LAMA4: variants seen among roughly 807,000 people sequenced by gnomAD.
LAMA4 encodes the protein laminin subunit alpha-4.
A neutral mutation model predicts 207.1 loss-of-function variants in LAMA4; 127 were observed. That is an observed-to-expected ratio of 0.61 (90% CI 0.53 to 0.71). The LOEUF (loss-of-function observed/expected upper bound fraction) is 0.71, where lower values mean the gene tolerates loss of function less well. LAMA4 is among the 30% of genes least tolerant of loss of function. The probability of loss-of-function intolerance (pLI) is 0.00; values close to 1 mark genes in which losing one functional copy is unlikely to be tolerated. For synonymous variants in LAMA4, 761 were observed against 816.0 expected, an observed-to-expected ratio of 0.93 and a Z score of 1.15; for missense variants, 2,093 against 2,246.5, an observed-to-expected ratio of 0.93 and a Z score of 1.38.
At position 112,238,564 on chromosome 6, in the gene LAMA4, G is replaced by C. The variant is rs571110809; in HGVS notation, c.195+15392C>G. 1.6e-3 allele frequency among the ~76,000 whole-genome samples: 243 copies of C among 152,072 alleles called. 1 individual carries two copies. The highest frequency in any genetic ancestry group is 4.7e-3 in the African/African-American group (197 of 41,486). On this transcript the variant is annotated intron_variant, in intron 2 of 38. Transcript: ENST00000230538. ...GTCTCTCCTAAAAATACAAAAATTA[G>C]TCAGGCGTACTGGGCACCTGTAGTC...
At chr6:112,142,327 T>C (rs781806500) in intron 19 of LAMA4, 35 bp from the exon 20 acceptor site, 3 of 1,607,280 alleles carry the variant, frequency 1.9e-6, no homozygotes, top group Admixed American at 1.7e-5. Context: ...AAAAGTGCTT[T>C]GCAGAAATGG....
chr6:112,240,852 A>G (rs1030705937), intron 2 of LAMA4, among the ~76,000 whole-genome samples: 2 of 152,086 alleles, frequency 1.3e-5, no homozygotes, highest in African/African-American at 4.8e-5. Flanking sequence ...TGACAAATAT[A>G]GGAGTGCAGA....
chr6:112,206,679 A>G (rs1554354345), intron 4 of LAMA4, among the ~76,000 whole-genome samples: 1 of 152,200 alleles, frequency 6.6e-6, no homozygotes, highest in Non-Finnish European at 1.5e-5. Flanking sequence ...TGATATTATA[A>G]TGAGTCTGTT....
intron 10 of LAMA4, 137 bp from the exon 11 acceptor site, chr6:112,175,617 C>CTAG: frequency 1.2e-6 from 1 of 844,810 alleles, no homozygotes; most frequent in Non-Finnish European, 2.0e-6. Context: ...AAGCAGCGTG[C>CTAG]TAGTGTTCAT....
chr6:112,128,856 A>G, intron 31 of LAMA4, 66 bp downstream of exon 31: 1 of 1,354,764 alleles, frequency 7.4e-7, no homozygotes, highest in Non-Finnish European at 1.1e-6. Flanking sequence ...CTAAAACAGC[A>G]GTGTCTAGAA....
chr6:112,128,819 G>C (rs144173987), intron 31 of LAMA4, 103 bp downstream of exon 31: 1 of 935,510 alleles, frequency 1.1e-6, no homozygotes. Context: ...TCCTATGTAC[G>C]TAGTTGCAAA....
chr6:112,125,455 C>T (rs1778635312), intron 31 of LAMA4, among the ~76,000 whole-genome samples: 1 of 152,154 alleles, frequency 6.6e-6, no homozygotes, highest in African/African-American at 2.4e-5. Flanking sequence ...GAAATCAGTT[C>T]TTAGAGAAGA....
chr6:112,112,870 A>T (rs1350816523), intron 38 of LAMA4, among the ~76,000 whole-genome samples: 2 of 152,190 alleles, frequency 1.3e-5, no homozygotes, highest in African/African-American at 4.8e-5. Context: ...TCAGTTTAAA[A>T]ATAATCTATT....
intron 16 of LAMA4, among the ~76,000 whole-genome samples, chr6:112,154,407 C>CCCTGT (rs1554336424): frequency 6.6e-6 from 1 of 150,620 alleles, no homozygotes; most frequent in African/African-American, 2.4e-5. Context: ...CTTTGTGGTA[C>CCCTGT]CCTGTCATCC....
chr6:112,156,957 G>T (rs1210465282), intron 14 of LAMA4, among the ~76,000 whole-genome samples: 1 of 152,086 alleles, frequency 6.6e-6, no homozygotes, highest in Non-Finnish European at 1.5e-5. Context: ...AAAAAATGAG[G>T]ATAACAATAA....
chr6:112,187,612 A>C lies in LAMA4; in HGVS notation c.815-11T>G. 6.2e-7 allele frequency: 1 copy of C among 1,613,262 alleles called. No individual in the cohort carries two copies. Among genetic ancestry groups the C allele is most frequent in the Non-Finnish European group, 8.5e-7 (1 of 1,179,676 alleles). On this transcript the variant is annotated splice_polypyrimidine_tract_variant and intron_variant, in intron 7 of 38. Coordinates refer to ENST00000230538, the MANE Select transcript of LAMA4 (RefSeq NM_001105206.3). ...CGCACTTATCACAGCCTGGAGGTGA[A>C]ACATTTCTTCAGAATCACAAGTCAA...
In LAMA4 at chr6:112,109,781, C is replaced by T. The variant is rs888629482; in HGVS notation, c.5327-199G>A. On this transcript the variant is annotated intron_variant, in intron 38 of 38. Transcript: ENST00000230538. ...TCCTATGGACATGTGGTAATTTTAA[C>T]GTTTTGCCATGTTTTCCATGATCAC... Among the ~76,000 whole-genome samples, 4 of 138,804 alleles carry T rather than the reference C, an allele frequency of 2.9e-5. 1 individual carries two copies. Among genetic ancestry groups the T allele is most frequent in the African/African-American group, 6.9e-5 (2 of 28,992 alleles). 91.1% of individuals were successfully genotyped at this position (138,804 alleles called of 152,430 possible). A position where few individuals can be genotyped will look rare whatever the true frequency, so the allele number is the denominator to read the frequency against.
intron 22 of LAMA4, 107 bp from the exon 23 acceptor site, chr6:112,139,992 G>T: frequency 9.1e-7 from 1 of 1,100,498 alleles, no homozygotes; most frequent in Non-Finnish European, 1.4e-6. Flanking sequence ...CTACCCCTTT[G>T]TGGAAATATC....
intron 9 of LAMA4, among the ~76,000 whole-genome samples, chr6:112,184,426 A>G (rs779986543): frequency 7.2e-5 from 11 of 151,944 alleles, no homozygotes; most frequent in Non-Finnish European, 1.6e-4. Context: ...ATGTTTTTCC[A>G]TTAGGCTGTT....
At chr6:112,251,659 T>A (rs1317476108) in intron 2 of LAMA4, 2 of 152,236 alleles carry the variant, frequency 1.3e-5, no homozygotes, top group East Asian at 1.9e-4. Flanking sequence ...CCGGAATGTA[T>A]TTGGTTTAAG....
At chr6:112,211,005 G>T (rs1318005400) in intron 3 of LAMA4, among the ~76,000 whole-genome samples, 1 of 152,056 alleles carries the variant, frequency 6.6e-6, no homozygotes, top group Non-Finnish European at 1.5e-5. Flanking sequence ...CCTTAACAGT[G>T]TAAAGGTTTA....
intron 25 of LAMA4, 80 bp from the exon 26 acceptor site, chr6:112,134,689 TC>T: frequency 8.7e-7 from 1 of 1,147,208 alleles, no homozygotes; most frequent in Admixed American, 1.8e-5. Context: ...ATTTTAATTC[TC>T]CTGGTATACT....
At chr6:112,110,911 A>G (rs2114535201) in intron 38 of LAMA4, among the ~76,000 whole-genome samples, 1 of 152,348 alleles carries the variant, frequency 6.6e-6, no homozygotes, top group South Asian at 2.1e-4. Flanking sequence ...TAATGAAATT[A>G]ATGCATAATT....
intron 2 of LAMA4, among the ~76,000 whole-genome samples, chr6:112,226,216 G>A (rs1003402444): frequency 9.9e-5 from 15 of 151,902 alleles, no homozygotes; most frequent in Admixed American, 2.6e-4. Context: ...AACTCTTATC[G>A]TACTACTTTT....
Sources: allele counts gnomAD v4.1 joint callset (sites outside exome capture counted in the v4.1 genomes callset), GRCh38; gene constraint gnomAD v4.1.1; transcripts MANE v1.5; gene names NCBI Gene and HGNC (gene_info 2026-07-23, HGNC 2026-07-21).